FAS: variants seen among roughly 807,000 people sequenced by gnomAD.
The protein encoded by FAS is tumor necrosis factor receptor superfamily member 6.
A neutral mutation model predicts 33.2 loss-of-function variants in FAS; 5 were observed. The observed-to-expected ratio is 0.15, with a 90% CI of 0.08 to 0.32. The LOEUF is 0.32. Among genes scored for constraint, FAS ranks in the 10% least tolerant of loss-of-function variants. The pLI is 1.00. For missense variants in FAS, 339 were observed against 386.0 expected (o/e 0.88, Z 1.02); for synonymous variants, 131 against 130.7 (o/e 1.00, Z -0.01).
At chr10:88,964,113 A>T (rs1186161979) in intron 1 of FAS, among the ~76,000 whole-genome samples, 1 of 151,914 alleles carries the variant, frequency 6.6e-6, no homozygotes, top group African/African-American at 2.4e-5. Context: ...CTTTAGTTTC[A>T]TATATTTACT....
chr10:89,000,034 A>G (rs912355490), intron 1 of FAS, among the ~76,000 whole-genome samples: 4 of 152,228 alleles, frequency 2.6e-5, no homozygotes, highest in Non-Finnish European at 4.4e-5. Flanking sequence ...TACTTCAAAA[A>G]TAAAAGAGAA....
intron 1 of FAS, chr10:89,002,707 T>A (rs1186906882): frequency 2.7e-6 from 1 of 365,816 alleles, no homozygotes; most frequent in African/African-American, 2.1e-5. Context: ...CACTTATAGA[T>A]AAAGAAACTG....
At chr10:88,971,867 T>A (rs968712215) in intron 1 of FAS, among the ~76,000 whole-genome samples, 1 of 152,088 alleles carries the variant, frequency 6.6e-6, no homozygotes, top group African/African-American at 2.4e-5. Flanking sequence ...TTAAGCCAAA[T>A]TTATAGTTTC....
upstream of FAS, among the ~76,000 whole-genome samples, chr10:88,988,785 G>C (rs1589435942): frequency 8.5e-5 from 13 of 152,262 alleles, no homozygotes; most frequent in South Asian, 2.7e-3. Context: ...AAAGAAGTTT[G>C]GGGAACAGTA....
chr10:88,984,710 C>A (rs1846823599), upstream of FAS, among the ~76,000 whole-genome samples: 1 of 151,578 alleles, frequency 6.6e-6, no homozygotes, highest in Non-Finnish European at 1.5e-5. Flanking sequence ...CTGGGCCTGT[C>A]TAAATGGCCA....
intron 1 of FAS, among the ~76,000 whole-genome samples, chr10:88,967,679 A>G (rs1846343832): frequency 6.6e-6 from 1 of 152,168 alleles, no homozygotes; most frequent in Non-Finnish European, 1.5e-5. Flanking sequence ...AAAATAGAAT[A>G]TTTTGTTTCA....
In FAS at chr10:88,970,874, AGTGT is replaced by A. The variant is rs72431070; in HGVS notation, n.95-2287_95-2284del. Among the ~76,000 whole-genome samples, 1,454 of 151,352 alleles carry A rather than the reference AGTGT, an allele frequency of 9.6e-3. 39 individuals carry two copies. In the East Asian group the frequency reaches 0.12, roughly 13 times the overall value. ...CCTAGAACTTAAAGTATAATAAAAA[AGTGT>A]GTGTGTGTGTGTGTGTGTGTATATA... On this transcript the variant is annotated intron_variant and non_coding_transcript_variant, in intron 1 of 3. Transcript: ENST00000688239.
intron 1 of FAS, among the ~76,000 whole-genome samples, chr10:88,969,330 A>G (rs1041506151): frequency 6.6e-6 from 1 of 152,194 alleles, no homozygotes; most frequent in African/African-American, 2.4e-5. Flanking sequence ...AGAAGTGAGT[A>G]TTTCCACATT....
At chr10:88,983,084 T>A (rs1266920334), upstream of FAS, among the ~76,000 whole-genome samples, 1 of 152,230 alleles carries the variant, frequency 6.6e-6, no homozygotes, top group Non-Finnish European at 1.5e-5. Context: ...TGACAGGTAG[T>A]TTATATCCAT....
chr10:88,980,705 C>G (rs557508831), intron 2 of FAS, among the ~76,000 whole-genome samples: 6 of 152,290 alleles, frequency 3.9e-5, no homozygotes, highest in East Asian at 3.9e-4. Flanking sequence ...AAATGTCCCC[C>G]CTCTGGAGCA....
chr10:89,012,177 TG>T, intron 7 of FAS, 96 bp downstream of exon 7: 1 of 1,088,254 alleles, frequency 9.2e-7, no homozygotes, highest in Non-Finnish European at 1.4e-6. Context: ...TTTTGTTTCT[TG>T]TTTGTTTCAT....
chr10:88,986,615 T>G (rs1016113622), upstream of FAS, among the ~76,000 whole-genome samples: 18 of 151,986 alleles, frequency 1.2e-4, no homozygotes, highest in African/African-American at 4.4e-4. Flanking sequence ...TTCAGGAATG[T>G]GAGCATGGAA....
chr10:88,995,394 G>C (rs1022351014), intron 1 of FAS, among the ~76,000 whole-genome samples: 3 of 152,228 alleles, frequency 2.0e-5, no homozygotes, highest in Admixed American at 6.5e-5. Context: ...GATCACAACT[G>C]CTTTCTTGAT....
At chr10:88,992,828 A>G (rs988588867) in intron 1 of FAS, among the ~76,000 whole-genome samples, 8 of 152,204 alleles carry the variant, frequency 5.3e-5, no homozygotes, top group Non-Finnish European at 8.8e-5. Flanking sequence ...CGACATGCCT[A>G]ACATCAGGCC....
rs749694844 is a variant in FAS, at chr10:89,015,342, C to G, written c.*892C>G. ...GCCTGGTTTGGAGATACTAACTGCT[C>G]TCAGAGAAAGTAGCTTTGTGACATG... On this transcript the variant is annotated 3_prime_UTR_variant, in exon 9 of 9. Transcript: ENST00000652046. The G allele has an allele frequency of 5.6e-6, 3 of 533,432 alleles. No individual in the cohort carries two copies. The highest frequency in any genetic ancestry group is 3.9e-5 in the East Asian group (1 of 25,712). The allele number at this position is 533,432 out of a possible 1,614,324, so 33.0% of individuals were successfully genotyped here. A position where few individuals can be genotyped will look rare whatever the true frequency, so the allele number is the denominator to read the frequency against.
At chr10:88,977,179 T>C (rs568284486) in intron 2 of FAS, among the ~76,000 whole-genome samples, 1 of 152,026 alleles carries the variant, frequency 6.6e-6, no homozygotes, top group South Asian at 2.1e-4. Context: ...TAGATCCCAT[T>C]TGTCAATTTT....
At chr10:89,005,096 A>G (rs1401349501) in intron 2 of FAS, among the ~76,000 whole-genome samples, 1 of 150,738 alleles carries the variant, frequency 6.6e-6, no homozygotes, top group African/African-American at 2.4e-5. Flanking sequence ...AAAGTTAAGT[A>G]GTAGGAAAAA....
Position 89,014,132 on chromosome 10 carries a change from T to A in FAS, c.690T>A (p.Ser230Arg), listed in dbSNP as rs1365404574. The change falls in exon 9 of 9, where the codon AGT becomes AGA. Residue 230 changes from serine to arginine, a missense_variant. Ser to Arg is a moderately radical substitution (Grantham distance 110). This residue lies in a region of FAS where 276 missense variants were observed against 300.1 expected (regional missense o/e 0.92). Coordinates refer to ENST00000652046, the MANE Select transcript of FAS (RefSeq NM_000043.6). ...VAINLSDVDL[S>R]KYITTIAGVM... is the part of the protein sequence containing the mutation. ...TCTATTTTTCAGATGTTGACTTGAG[T>A]AAATATATCACCACTATTGCTGGAG... The A allele has an allele frequency of 6.2e-7, 1 of 1,613,526 alleles. No homozygotes were observed. Among genetic ancestry groups the A allele is most frequent in the Non-Finnish European group, 8.5e-7 (1 of 1,179,858 alleles).
chr10:89,007,561 T>C, intron 2 of FAS, 139 bp from the exon 3 acceptor site: 1 of 878,290 alleles, frequency 1.1e-6, no homozygotes, highest in Admixed American at 2.2e-5. Flanking sequence ...TTCTCCCCCA[T>C]TGTATTTATA....
Sources: gnomAD v4.1 joint callset for allele counts (sites outside exome capture counted in the v4.1 genomes callset) on GRCh38, gnomAD v4.1.1 for gene constraint, gnomAD v4.1.1 regional missense constraint, MANE v1.5 for transcripts, NCBI Gene and HGNC (gene_info 2026-07-23, HGNC 2026-07-21) for gene names.